GLRA3: variants seen among roughly 807,000 people sequenced by gnomAD.
GLRA3 encodes glycine receptor subunit alpha-3.
GLRA3 carries 44 observed loss-of-function variants against 60.4 expected under a neutral mutation model. That is an observed-to-expected ratio of 0.73 (90% confidence interval 0.57 to 0.94). The LOEUF (loss-of-function observed/expected upper bound fraction) is 0.94, where lower values mean the gene tolerates loss of function less well. GLRA3 is among the 40% of genes least tolerant of loss of function. The probability of loss-of-function intolerance (pLI) is 0.00; values close to 1 mark genes in which losing one functional copy is unlikely to be tolerated. For missense variants in GLRA3, 508 were observed against 564.6 expected, an observed-to-expected ratio of 0.90 and a Z score of 1.02; for synonymous variants, 223 against 192.9, an observed-to-expected ratio of 1.16 and a Z score of -1.29.
chr4:174,647,093 T>C (rs1439681994), intron 9 of GLRA3, among the ~76,000 whole-genome samples: 2 of 152,256 alleles, frequency 1.3e-5, no homozygotes, highest in African/African-American at 4.8e-5. Context: ...CAAGAGACAG[T>C]TAATTCCTTG....
At chr4:174,686,943 G>C (rs1044496466) in intron 5 of GLRA3, among the ~76,000 whole-genome samples, 2 of 152,176 alleles carry the variant, frequency 1.3e-5, no homozygotes, top group Non-Finnish European at 2.9e-5. Context: ...AATCTTTTGA[G>C]CAAGGGGTGA....
chr4:174,716,319 C>T (rs574016611), intron 4 of GLRA3, among the ~76,000 whole-genome samples: 17 of 152,290 alleles, frequency 1.1e-4, no homozygotes, highest in Admixed American at 1.0e-3. Flanking sequence ...AAAGGATAAC[C>T]TAGATGCTGT....
chr4:174,692,316 G>C (rs558559706), intron 5 of GLRA3, among the ~76,000 whole-genome samples: 1 of 146,990 alleles, frequency 6.8e-6, no homozygotes, highest in Non-Finnish European at 1.5e-5. Context: ...GGAGGGAGGT[G>C]GGGGGGTCAG....
chr4:174,710,691 A>G (rs1735687097), intron 5 of GLRA3, among the ~76,000 whole-genome samples: 1 of 152,124 alleles, frequency 6.6e-6, no homozygotes, highest in Non-Finnish European at 1.5e-5. Context: ...TGAAAAAGAT[A>G]GAATTGCTCA....
At chr4:174,732,152 A>G (rs931823941) in intron 3 of GLRA3, among the ~76,000 whole-genome samples, 5 of 152,118 alleles carry the variant, frequency 3.3e-5, no homozygotes, top group African/African-American at 1.2e-4. Flanking sequence ...GTCAAGAGAC[A>G]GAGACCATCC....
intron 5 of GLRA3, among the ~76,000 whole-genome samples, chr4:174,686,672 A>G (rs573929026): frequency 6.6e-6 from 1 of 152,326 alleles, no homozygotes; most frequent in African/African-American, 2.4e-5. Context: ...GGGTTCTGTG[A>G]TATCTACCTA....
At chr4:174,804,963 C>A (rs66720517) in intron 1 of GLRA3, among the ~76,000 whole-genome samples, 1 of 152,074 alleles carries the variant, frequency 6.6e-6, no homozygotes. Context: ...GTACACGTAG[C>A]GACAAAGAAA....
chr4:174,668,037 G>A (rs543155454), intron 7 of GLRA3, among the ~76,000 whole-genome samples: 3 of 152,134 alleles, frequency 2.0e-5, no homozygotes, highest in African/African-American at 2.4e-5. Context: ...CAGAGTTCTC[G>A]TGAGATCTGG....
intron 2 of GLRA3, among the ~76,000 whole-genome samples, chr4:174,774,605 A>G (rs1738521112): frequency 6.6e-6 from 1 of 152,156 alleles, no homozygotes; most frequent in Non-Finnish European, 1.5e-5. Context: ...GAATCAGACA[A>G]ATGCAAAGTG....
At chr4:174,754,582 GCCACT>G (rs1737617091) in intron 3 of GLRA3, among the ~76,000 whole-genome samples, 1 of 152,088 alleles carries the variant, frequency 6.6e-6, no homozygotes, top group Non-Finnish European at 1.5e-5. Flanking sequence ...CATCGGAATA[GCCACT>G]GAATGCTATT....
chr4:174,739,989 T>C (rs1736950792), intron 3 of GLRA3, among the ~76,000 whole-genome samples: 1 of 152,204 alleles, frequency 6.6e-6, no homozygotes, highest in African/African-American at 2.4e-5. Flanking sequence ...AGTTTTCCTA[T>C]TCTGTATCGC....
intron 1 of GLRA3, among the ~76,000 whole-genome samples, chr4:174,824,339 C>T (rs1194809908): frequency 1.1e-4 from 17 of 152,162 alleles, no homozygotes; most frequent in Admixed American, 1.1e-3. Flanking sequence ...TAATTGCTAT[C>T]ACCAATCCTA....
At chr4:174,707,638 C>T (rs893966024) in intron 5 of GLRA3, among the ~76,000 whole-genome samples, 1 of 151,918 alleles carries the variant, frequency 6.6e-6, no homozygotes, top group African/African-American at 2.4e-5. Flanking sequence ...TATGAGAAAA[C>T]GAATGAAATT....
rs1406168868 is a variant in GLRA3, at chr4:174,810,772, G to T, written c.71+17969C>A. 2.6e-5 allele frequency among the ~76,000 whole-genome samples: 4 copies of T among 152,100 alleles called. No homozygotes were observed. The South Asian group carries it at 8.3e-4, about 31-fold the overall frequency. On this transcript the variant is annotated intron_variant, in intron 1 of 9. Transcript: ENST00000274093. ...TTATATATCAATTACCACAGTAGCAGCTTCATACACAAGCTTTAAAAAAAT... is the reference window on the plus strand; with the variant it reads ...TTATATATCAATTACCACAGTAGCATCTTCATACACAAGCTTTAAAAAAAT...
chr4:174,730,899 T>A (rs1016855919), intron 3 of GLRA3, among the ~76,000 whole-genome samples: 1 of 152,172 alleles, frequency 6.6e-6, no homozygotes, highest in Non-Finnish European at 1.5e-5. Context: ...CATGACAGCA[T>A]GGAAAATATG....
rs890356903 is a variant in GLRA3 at position 174,693,018 on chromosome 4, T to C, written c.575-10079A>G. Among the ~76,000 whole-genome samples, 8 of 152,298 alleles carry C rather than the reference T, an allele frequency of 5.3e-5. No individual in the cohort carries two copies. The South Asian group carries it at 1.7e-3, about 32-fold the overall frequency. ...CTTAATGGGGTTGTGTGTTCTCTTA[T>C]TGTAAATTTGTTCAAATTCTTTATA... On this transcript the variant is annotated intron_variant, in intron 5 of 9. Coordinates refer to ENST00000274093, the MANE Select transcript of GLRA3 (RefSeq NM_006529.4).
In GLRA3 at chr4:174,658,961, C is replaced by G. The variant is rs199896312; in HGVS notation, c.1071+93G>C. ...TATTATATCATTTCATCCCCAGTCCCAATTGCTTCTCTTTTCATCTCTATT... is the reference window on the plus strand; with the variant it reads ...TATTATATCATTTCATCCCCAGTCCGAATTGCTTCTCTTTTCATCTCTATT... On this transcript the variant is annotated intron_variant, in intron 8 of 9. Coordinates refer to ENST00000274093, the MANE Select transcript of GLRA3 (RefSeq NM_006529.4). 6.7e-4 allele frequency: 693 copies of G among 1,039,454 alleles called. 14 individuals are homozygous for G. In the East Asian group the frequency reaches 0.012, roughly 18 times the overall value. 64.4% of individuals were successfully genotyped at this position (1,039,454 alleles called of 1,614,324 possible). A position where few individuals can be genotyped will look rare whatever the true frequency, so the allele number is the denominator to read the frequency against.
intron 5 of GLRA3, among the ~76,000 whole-genome samples, chr4:174,707,494 A>G (rs537653903): frequency 6.6e-6 from 1 of 152,186 alleles, no homozygotes; most frequent in Non-Finnish European, 1.5e-5. Flanking sequence ...TGAAACTGCA[A>G]TAGTAACAGA....
At chr4:174,806,201 G>A (rs766005130) in intron 1 of GLRA3, among the ~76,000 whole-genome samples, 1 of 152,078 alleles carries the variant, frequency 6.6e-6, no homozygotes, top group Non-Finnish European at 1.5e-5. Context: ...ACTTAAATCT[G>A]CAGCTTTACA....
Sources: gnomAD v4.1 joint callset for allele counts (sites outside exome capture counted in the v4.1 genomes callset) on GRCh38, gnomAD v4.1.1 for gene constraint, MANE v1.5 for transcripts, NCBI Gene and HGNC (gene_info 2026-07-23, HGNC 2026-07-21) for gene names.